Variants in RAB3GAP1 observed in about 807,000 individuals in gnomAD.
RAB3GAP1 encodes the protein rab3 GTPase-activating protein catalytic subunit.
A neutral mutation model predicts 130.7 loss-of-function variants in RAB3GAP1; 86 were observed. That is an observed-to-expected ratio of 0.66 (90% CI 0.55 to 0.79). The LOEUF is 0.79. RAB3GAP1 is among the 30% of genes least tolerant of loss of function. The probability of loss-of-function intolerance (pLI) is 0.00; values close to 1 mark genes in which losing one functional copy is unlikely to be tolerated. For missense variants in RAB3GAP1, 1,029 were observed against 1,169.4 expected (o/e 0.88, Z 1.75); for synonymous variants, 367 against 401.7 (o/e 0.91, Z 1.03).
At chr2:135,061,932 A>G (rs1689181738) in intron 3 of RAB3GAP1, among the ~76,000 whole-genome samples, 1 of 151,914 alleles carries the variant, frequency 6.6e-6, no homozygotes, top group Non-Finnish European at 1.5e-5. Flanking sequence ...TTGCTTTGTC[A>G]CCTTTATTGA....
chr2:135,127,480 A>T (rs1691387374), intron 11 of RAB3GAP1, among the ~76,000 whole-genome samples: 1 of 151,610 alleles, frequency 6.6e-6, no homozygotes, highest in Admixed American at 6.6e-5. Flanking sequence ...AGTAGCTGGG[A>T]CTATAGGCGC....
intron 3 of RAB3GAP1, among the ~76,000 whole-genome samples, chr2:135,084,539 G>T (rs1028460480): frequency 2.0e-5 from 3 of 152,138 alleles, no homozygotes; most frequent in African/African-American, 4.8e-5. Context: ...TGTTGCAGCA[G>T]TTCAAGACAT....
chr2:135,093,438 A>G (rs976161365), intron 4 of RAB3GAP1, among the ~76,000 whole-genome samples, 177 bp from the exon 5 acceptor site: 3 of 151,482 alleles, frequency 2.0e-5, no homozygotes, highest in African/African-American at 4.9e-5. Context: ...TTATTTGAAG[A>G]AAAAAAAATG....
chr2:135,117,558 GCTTCTTCTTCTGCTT>G (rs1691031439), intron 7 of RAB3GAP1, among the ~76,000 whole-genome samples: 10 of 19,252 alleles, frequency 5.2e-4, no homozygotes, highest in Non-Finnish European at 8.2e-4. Context: ...TTCTTCTTCT[GCTTCTTCTTCTGCTT>G]CTTCTTCTGC....
At chr2:135,084,538 A>G (rs997019466) in intron 3 of RAB3GAP1, among the ~76,000 whole-genome samples, 5 of 152,164 alleles carry the variant, frequency 3.3e-5, no homozygotes, top group African/African-American at 9.7e-5. Context: ...TTGTTGCAGC[A>G]GTTCAAGACA....
At chr2:135,093,951 A>G (rs1403323664) in intron 5 of RAB3GAP1, among the ~76,000 whole-genome samples, 1 of 152,202 alleles carries the variant, frequency 6.6e-6, no homozygotes, top group East Asian at 1.9e-4. Context: ...CTCAGCAACA[A>G]ATTGTGACAA....
intron 17 of RAB3GAP1, among the ~76,000 whole-genome samples, chr2:135,139,045 G>C (rs1218394703): frequency 6.6e-6 from 1 of 152,046 alleles, no homozygotes; most frequent in African/African-American, 2.4e-5. Flanking sequence ...CTTTTAATAT[G>C]TTCGTTAGCC....
At chr2:135,064,856 T>G (rs1689273493) in intron 3 of RAB3GAP1, among the ~76,000 whole-genome samples, 1 of 151,764 alleles carries the variant, frequency 6.6e-6, no homozygotes, top group Admixed American at 6.6e-5. Context: ...ATTTATAATG[T>G]AAGCATAAAT....
At chr2:135,164,905 T>A (rs1692589523) in intron 23 of RAB3GAP1, among the ~76,000 whole-genome samples, 1 of 152,164 alleles carries the variant, frequency 6.6e-6, no homozygotes, top group Non-Finnish European at 1.5e-5. Flanking sequence ...ATAAGTATAT[T>A]CTAGGACCTA....
chr2:135,066,370 A>G (rs1281997892), intron 3 of RAB3GAP1, among the ~76,000 whole-genome samples: 1 of 152,226 alleles, frequency 6.6e-6, no homozygotes, highest in Non-Finnish European at 1.5e-5. Context: ...CAGCTATGGT[A>G]TTGGTATCAT....
intron 23 of RAB3GAP1, among the ~76,000 whole-genome samples, chr2:135,167,379 C>CT (rs112223600): frequency 2.1e-3 from 300 of 140,352 alleles, no homozygotes; most frequent in South Asian, 3.7e-3. Flanking sequence ...GCCATGAACA[C>CT]TTTTTTTTTT....
At chr2:135,104,926 C>G (rs973410443) in intron 5 of RAB3GAP1, among the ~76,000 whole-genome samples, 1 of 151,866 alleles carries the variant, frequency 6.6e-6, no homozygotes, top group Non-Finnish European at 1.5e-5. Flanking sequence ...ATGGAAACTC[C>G]AGAGTTGAAA....
rs79313591 is a variant in RAB3GAP1, at chr2:135,133,197, C to T, written c.1326+213C>T. ...TTCTGGAAACAATGAAAAAATAGCA[C>T]AAATATACTCTACACAGCTGTAGGA... On this transcript the variant is annotated intron_variant, in intron 14 of 23. Transcript: ENST00000264158. 4.6e-5 allele frequency among the ~76,000 whole-genome samples: 7 copies of T among 152,210 alleles called. No individual in the cohort carries two copies. The East Asian group carries it at 1.4e-3, about 29-fold the overall frequency.
At chr2:135,067,969 G>C (rs1362168882) in intron 3 of RAB3GAP1, among the ~76,000 whole-genome samples, 1 of 152,022 alleles carries the variant, frequency 6.6e-6, no homozygotes, top group Non-Finnish European at 1.5e-5. Flanking sequence ...TGAATTCCTG[G>C]GTTCAAGTGA....
At chr2:135,146,199 C>CTTTTTTT (rs1173567563) in intron 17 of RAB3GAP1, among the ~76,000 whole-genome samples, 9 of 96,590 alleles carry the variant, frequency 9.3e-5, no homozygotes, top group Non-Finnish European at 1.5e-4. Context: ...CATATTTGTT[C>CTTTTTTT]TTTTTTTTTT....
intron 23 of RAB3GAP1, chr2:135,165,247 A>G (rs899206973): frequency 4.6e-6 from 2 of 435,650 alleles, no homozygotes; most frequent in Admixed American, 2.7e-5. Context: ...TATCATAACC[A>G]TTACCTCTAG....
intron 7 of RAB3GAP1, among the ~76,000 whole-genome samples, chr2:135,117,409 T>TTTCTTCTTCCTCTTCTTCTTCTTCTTC (rs1691003072): frequency 1.0e-5 from 1 of 100,194 alleles, no homozygotes; most frequent in African/African-American, 3.6e-5. Context: ...CAATACTTTA[T>TTTCTTCTTCCTCTTCTTCTTCTTCTTC]TTCTTCTTCT....
At chr2:135,167,615 A>G in intron 23 of RAB3GAP1, 2 of 1,212,174 alleles carry the variant, frequency 1.6e-6, no homozygotes, top group Non-Finnish European at 2.3e-6. Context: ...ATAATCCTGA[A>G]CTCCCTTGTC....
rs368109515 is a variant in RAB3GAP1 at position 135,156,078 on chromosome 2, C to A, written c.2289+2202C>A. On this transcript the variant is annotated intron_variant, in intron 19 of 23. Coordinates refer to ENST00000264158, the MANE Select transcript of RAB3GAP1 (RefSeq NM_012233.3). ...TCTCTGTGTATGTAAATTTGAAAAT[C>A]AAGTTGAATTAGACAATTTCCTAGG... Among the ~76,000 whole-genome samples, 5 of 152,028 alleles carry A rather than the reference C, an allele frequency of 3.3e-5. No homozygotes were observed. In the East Asian group the frequency reaches 9.6e-4, roughly 29 times the overall value.
Sources: allele counts gnomAD v4.1 joint callset (sites outside exome capture counted in the v4.1 genomes callset), GRCh38; gene constraint gnomAD v4.1.1; transcripts MANE v1.5; gene names NCBI Gene and HGNC (gene_info 2026-07-23, HGNC 2026-07-21).